Variants in GNA12 observed in about 807,000 individuals in gnomAD.
The protein encoded by GNA12 is G protein subunit alpha 12, also known as guanine nucleotide-binding protein subunit alpha-12.
Under a neutral mutation model 26.0 loss-of-function variants are expected in GNA12, and 9 were observed. The observed-to-expected ratio is 0.35, with a 90% CI of 0.21 to 0.60. The LOEUF is 0.60. Ranked by LOEUF, GNA12 falls within the 20% of genes least tolerant of loss-of-function variation. The pLI is 0.78. For synonymous variants in GNA12, 264 were observed against 219.6 expected (o/e 1.20, Z -1.79); for missense variants, 405 against 525.8 (o/e 0.77, Z 2.25).
chr7:2,837,372 C>A (rs775289549), intron 1 of GNA12, among the ~76,000 whole-genome samples: 4 of 152,162 alleles, frequency 2.6e-5, no homozygotes, highest in Non-Finnish European at 4.4e-5. Context: ...TGCTAACAGC[C>A]GTATGTCAGA....
At chr7:2,832,972 G>A (rs1778719849) in intron 1 of GNA12, among the ~76,000 whole-genome samples, 1 of 152,144 alleles carries the variant, frequency 6.6e-6, no homozygotes, top group Non-Finnish European at 1.5e-5. Context: ...GGCTAACACA[G>A]GATACAAGTC....
At chr7:2,814,200 T>C in intron 1 of GNA12, 2 of 675,596 alleles carry the variant, frequency 3.0e-6, no homozygotes, top group Admixed American at 2.4e-5. Flanking sequence ...AAATTCTCCA[T>C]CATAAATCTC....
In GNA12 at chr7:2,746,000, G is replaced by C. The variant is rs187425738; in HGVS notation, c.526-12499C>G. 5.2e-3 allele frequency among the ~76,000 whole-genome samples: 797 copies of C among 152,240 alleles called. 7 individuals are homozygous for C. Among genetic ancestry groups the C allele is most frequent in the African/African-American group, 0.018 (752 of 41,500 alleles). ...CTAAATATATATGCAAACAATACAG[G>C]AGCACTCAGATTCATAAAGCAAGTC... On this transcript the variant is annotated intron_variant, in intron 2 of 3. Coordinates refer to ENST00000275364, the MANE Select transcript of GNA12 (RefSeq NM_007353.3).
At position 2,836,320 on chromosome 7, in the gene GNA12, G is replaced by C. The variant is rs1269603957; in HGVS notation, c.309+7533C>G. On this transcript the variant is annotated intron_variant, in intron 1 of 3. Coordinates refer to ENST00000275364, the MANE Select transcript of GNA12 (RefSeq NM_007353.3). ...AAAGTAACAGCTCTACTCCTCCCAG[G>C]TCTGCCCCCTTACAGCTAAAAAGAA... Among the ~76,000 whole-genome samples, 5 of 152,300 alleles carry C rather than the reference G, an allele frequency of 3.3e-5. No individual in the cohort carries two copies. In the East Asian group the frequency reaches 9.7e-4, roughly 29 times the overall value.
intron 2 of GNA12, among the ~76,000 whole-genome samples, chr7:2,745,164 G>C (rs887374670): frequency 6.6e-6 from 1 of 152,140 alleles, no homozygotes; most frequent in Admixed American, 6.5e-5. Flanking sequence ...AGGAAATACA[G>C]AGAACACCAC....
intron 1 of GNA12, among the ~76,000 whole-genome samples, chr7:2,802,702 C>G (rs532021163): frequency 1.7e-4 from 26 of 152,170 alleles, no homozygotes; most frequent in Non-Finnish European, 3.7e-4. Flanking sequence ...AAAACCCACT[C>G]GGCTGAGTTG....
intron 1 of GNA12, among the ~76,000 whole-genome samples, chr7:2,800,626 G>A (rs908587267): frequency 1.3e-5 from 2 of 152,166 alleles, no homozygotes; most frequent in African/African-American, 4.8e-5. Context: ...AAGTTCCAAC[G>A]ATGTGATGTG....
At chr7:2,756,617 A>T (rs1191207103) in intron 2 of GNA12, among the ~76,000 whole-genome samples, 1 of 151,950 alleles carries the variant, frequency 6.6e-6, no homozygotes, top group East Asian at 1.9e-4. Context: ...AAACAAACAA[A>T]CAAACAAACA....
chr7:2,816,056 C>T (rs770692602), intron 1 of GNA12, among the ~76,000 whole-genome samples: 15 of 152,192 alleles, frequency 9.9e-5, no homozygotes, highest in African/African-American at 1.4e-4. Flanking sequence ...CCGCCGCGCA[C>T]GGAGGCGTGG....
At chr7:2,771,573 G>T (rs1791950213) in intron 2 of GNA12, among the ~76,000 whole-genome samples, 1 of 152,092 alleles carries the variant, frequency 6.6e-6, no homozygotes, top group Non-Finnish European at 1.5e-5. Context: ...TTCTTTGTGT[G>T]GCCTCCTGCA....
At chr7:2,795,816 CTTTTT>C (rs71026559) in intron 1 of GNA12, among the ~76,000 whole-genome samples, 7 of 137,874 alleles carry the variant, frequency 5.1e-5, no homozygotes, top group African/African-American at 1.9e-4. Flanking sequence ...AAAAAAACAA[CTTTTT>C]TTTTTTTTTT....
chr7:2,777,093 T>G lies in GNA12; in HGVS notation c.525+17835A>C, dbSNP rs532231544. Among the ~76,000 whole-genome samples, 18 of 152,262 alleles carry G rather than the reference T, an allele frequency of 1.2e-4. No individual in the cohort carries two copies. In the South Asian group the frequency reaches 3.5e-3, roughly 30 times the overall value. ...AAATACAGCCCCCTAGTCCTGCACC[T>G]GTGTAGCCCTACCCTATCTGAATGG... On this transcript the variant is annotated intron_variant, in intron 2 of 3. Transcript: ENST00000275364.
chr7:2,812,020 G>C (rs1793092928), intron 1 of GNA12, among the ~76,000 whole-genome samples: 1 of 152,260 alleles, frequency 6.6e-6, no homozygotes, highest in Non-Finnish European at 1.5e-5. Context: ...GCAGTGGGAA[G>C]GGGCTGTAAG....
At chr7:2,842,978 T>C (rs1438900543) in intron 1 of GNA12, among the ~76,000 whole-genome samples, 1 of 152,224 alleles carries the variant, frequency 6.6e-6, no homozygotes, top group African/African-American at 2.4e-5. Context: ...CTATTTTCTC[T>C]ACTTTTGTAT....
At chr7:2,772,099 TA>T (rs775823515) in intron 2 of GNA12, among the ~76,000 whole-genome samples, 1 of 152,318 alleles carries the variant, frequency 6.6e-6, no homozygotes, top group Non-Finnish European at 1.5e-5. Flanking sequence ...TTTGTCCTTT[TA>T]AAAAAATTGT....
At position 2,812,385 on chromosome 7, in the gene GNA12, C is replaced by T. The variant is rs1001773933; in HGVS notation, c.310-17242G>A. Among the ~76,000 whole-genome samples, 5 of 152,126 alleles carry T rather than the reference C, an allele frequency of 3.3e-5. No homozygotes were observed. The East Asian group carries it at 9.6e-4, about 29-fold the overall frequency. ...TGGCTCACGCCTGTAATCCCAGCAC[C>T]TTTGGAGGCTGAGGCGGGCGGACCA... is the stretch of plus-strand genomic sequence containing the variant. On this transcript the variant is annotated intron_variant, in intron 1 of 3. Transcript: ENST00000275364.
intron 2 of GNA12, among the ~76,000 whole-genome samples, chr7:2,774,270 T>C (rs1046321273): frequency 6.6e-6 from 1 of 152,130 alleles, no homozygotes; most frequent in African/African-American, 2.4e-5. Context: ...CATGCATGCA[T>C]ATATATGTGT....
Position 2,789,222 on chromosome 7 carries a change from G to A in GNA12, c.525+5706C>T, listed in dbSNP as rs796182365. On this transcript the variant is annotated intron_variant, in intron 2 of 3. Transcript: ENST00000275364. ...GGGATCTCGGCTCACTGCAAGCTCC[G>A]CCTCCCGGGTTCACGCCATTCTCCT... Among the ~76,000 whole-genome samples, 82 of 121,964 alleles carry A rather than the reference G, an allele frequency of 6.7e-4. 1 individual carries two copies. The highest frequency in any genetic ancestry group is 7.5e-3 in the Middle Eastern group (1 of 134). The allele number at this position is 121,964 out of a possible 152,430, so 80.0% of individuals were successfully genotyped here.
At chr7:2,795,555 G>C (rs1296799512) in intron 1 of GNA12, among the ~76,000 whole-genome samples, 1 of 151,318 alleles carries the variant, frequency 6.6e-6, no homozygotes, top group South Asian at 2.1e-4. Context: ...TTGAGCCCAG[G>C]AGGTCAAGGC....
Sources: gnomAD v4.1 joint callset for allele counts (sites outside exome capture counted in the v4.1 genomes callset) on GRCh38, gnomAD v4.1.1 for gene constraint, MANE v1.5 for transcripts, NCBI Gene and HGNC (gene_info 2026-07-23, HGNC 2026-07-21) for gene names.